The following CA10 variants were observed in gnomAD, a reference collection of about 807,000 sequenced individuals.
CA10 encodes the protein carbonic anhydrase 10 (inactive).
In CA10, 14 loss-of-function variants were observed where a neutral mutation model predicts 44.2. The ratio of observed to expected loss-of-function variants is 0.32; its 90% CI spans 0.21 to 0.50. The LOEUF is 0.50. CA10 is among the 20% of genes least tolerant of loss of function. CA10 has a pLI of 0.99. For synonymous variants in CA10, 159 were observed against 141.6 expected, an observed-to-expected ratio of 1.12 and a Z score of -0.87; for missense variants, 350 against 409.7, an observed-to-expected ratio of 0.85 and a Z score of 1.26.
chr17:51,983,492 T>TA (rs766902199), intron 2 of CA10, among the ~76,000 whole-genome samples: 48 of 148,924 alleles, frequency 3.2e-4, no homozygotes, highest in Non-Finnish European at 6.3e-4. Context: ...TAATATACTC[T>TA]ACTTAAATAA....
chr17:51,878,867 T>TGG (rs1980218253), intron 3 of CA10, among the ~76,000 whole-genome samples: 1 of 27,076 alleles, frequency 3.7e-5, no homozygotes, highest in Non-Finnish European at 6.3e-5. Context: ...TATATATATA[T>TGG]ATATATATAT....
At chr17:51,698,882 A>G (rs1429529757) in intron 4 of CA10, among the ~76,000 whole-genome samples, 1 of 152,110 alleles carries the variant, frequency 6.6e-6, no homozygotes, top group African/African-American at 2.4e-5. Flanking sequence ...AAATGGCAGG[A>G]TTTCCTTTGT....
At chr17:51,697,087 A>G (rs555180394) in intron 4 of CA10, among the ~76,000 whole-genome samples, 273 of 127,338 alleles carry the variant, frequency 2.1e-3, no homozygotes, top group African/African-American at 0.013. Context: ...AACGTAATGA[A>G]AAAAAAAAAA....
intron 5 of CA10, among the ~76,000 whole-genome samples, chr17:51,649,887 A>AAAAC (rs564872536): frequency 1.3e-5 from 2 of 152,010 alleles, no homozygotes; most frequent in South Asian, 2.1e-4. Flanking sequence ...GGAAAAAAAA[A>AAAAC]AAAACTGAAA....
At chr17:51,739,870 G>A (rs1904388120) in intron 4 of CA10, among the ~76,000 whole-genome samples, 1 of 152,134 alleles carries the variant, frequency 6.6e-6, no homozygotes, top group Non-Finnish European at 1.5e-5. Flanking sequence ...GAAATTTGAT[G>A]TCTAGCATTG....
intron 4 of CA10, among the ~76,000 whole-genome samples, chr17:51,677,965 C>T (rs923583945): frequency 1.1e-4 from 16 of 151,496 alleles, no homozygotes; most frequent in African/African-American, 3.2e-4. Flanking sequence ...CAGCACTATT[C>T]ACAATACCAA....
chr17:51,991,666 G>A (rs1985044849), intron 2 of CA10, among the ~76,000 whole-genome samples: 1 of 152,040 alleles, frequency 6.6e-6, no homozygotes, highest in South Asian at 2.1e-4. Flanking sequence ...AAAATTAGCT[G>A]GGCGTGGTGG....
chr17:52,051,012 G>T (rs574085974), intron 2 of CA10, among the ~76,000 whole-genome samples: 2 of 149,392 alleles, frequency 1.3e-5, no homozygotes, highest in South Asian at 4.2e-4. Context: ...AAGGAAGGAA[G>T]GAACGAAGGA....
At chr17:51,719,823 A>G (rs1916294850) in intron 4 of CA10, among the ~76,000 whole-genome samples, 1 of 152,106 alleles carries the variant, frequency 6.6e-6, no homozygotes, top group African/African-American at 2.4e-5. Flanking sequence ...CCAGGAGTTC[A>G]AGGCTGGAGT....
At chr17:51,800,516 A>T (rs922472946) in intron 3 of CA10, among the ~76,000 whole-genome samples, 2 of 152,206 alleles carry the variant, frequency 1.3e-5, no homozygotes, top group African/African-American at 4.8e-5. Flanking sequence ...CTATAAAAAA[A>T]CAAGAACCAA....
chr17:52,122,757 G>A (rs1047971751), intron 1 of CA10, among the ~76,000 whole-genome samples: 1 of 152,168 alleles, frequency 6.6e-6, no homozygotes, highest in South Asian at 2.1e-4. Context: ...TACGCCTCTT[G>A]GGTTCAACTG....
chr17:52,157,622 C>T, intron 1 of CA10, 104 bp downstream of exon 1: 1 of 1,023,792 alleles, frequency 9.8e-7, no homozygotes. Flanking sequence ...CAAAGGGTCT[C>T]GCCACCCCTC....
At chr17:51,902,849 G>A (rs368473146) in intron 3 of CA10, among the ~76,000 whole-genome samples, 25 of 152,100 alleles carry the variant, frequency 1.6e-4, no homozygotes, top group African/African-American at 5.6e-4. Context: ...GCTTGTCTTC[G>A]GGTAGCTTAT....
chr17:51,777,056 A>G (rs1242392384), intron 3 of CA10, among the ~76,000 whole-genome samples: 1 of 152,240 alleles, frequency 6.6e-6, no homozygotes, highest in East Asian at 1.9e-4. Context: ...AAGAGAATTC[A>G]TGTTGGAAAC....
At position 51,985,997 on chromosome 17, in the gene CA10, A is replaced by G. The variant is rs374301403; in HGVS notation, c.137-54865T>C. On this transcript the variant is annotated intron_variant, in intron 2 of 8. Coordinates refer to ENST00000451037, the MANE Select transcript of CA10 (RefSeq NM_020178.5). ...ATCATTCTTTACAGAACTAGAAAAAACAATTCCCAAATTCATAGGGAAGCA... is the reference window on the plus strand; with the variant it reads ...ATCATTCTTTACAGAACTAGAAAAAGCAATTCCCAAATTCATAGGGAAGCA... 3.3e-4 allele frequency among the ~76,000 whole-genome samples: 50 copies of G among 152,212 alleles called. No homozygotes were observed. In the South Asian group the frequency reaches 1.0e-2, roughly 30 times the overall value.
intron 4 of CA10, among the ~76,000 whole-genome samples, chr17:51,702,472 T>C (rs1382731927): frequency 6.6e-6 from 1 of 152,110 alleles, no homozygotes; most frequent in Non-Finnish European, 1.5e-5. Context: ...TTGTAGAAAA[T>C]TTTGTATACT....
rs1263892428 is a variant in CA10, at chr17:52,089,239, C to T, written c.62-16846G>A. Among the ~76,000 whole-genome samples the T allele has an allele frequency of 2.6e-5, 4 of 152,128 alleles. No individual in the cohort carries two copies. The East Asian group carries it at 5.8e-4, about 22-fold the overall frequency. On this transcript the variant is annotated intron_variant, in intron 1 of 8. Coordinates refer to ENST00000451037, the MANE Select transcript of CA10 (RefSeq NM_020178.5). ...TGACCTTAACTGAGTTTTTGTGTCA[C>T]TATGTGTACACTTACTATGGTGTTC...
intron 1 of CA10, among the ~76,000 whole-genome samples, chr17:52,136,834 C>A (rs142955858): frequency 6.6e-6 from 1 of 152,140 alleles, no homozygotes; most frequent in African/African-American, 2.4e-5. Flanking sequence ...TTGTGAGACA[C>A]GATTTTGAAA....
At chr17:51,912,005 A>C (rs926648233) in intron 3 of CA10, among the ~76,000 whole-genome samples, 10 of 152,170 alleles carry the variant, frequency 6.6e-5, no homozygotes, top group African/African-American at 2.4e-4. Context: ...TTAGTAATTC[A>C]TGTAAATTAC....
Sources: gnomAD v4.1 joint callset for allele counts (sites outside exome capture counted in the v4.1 genomes callset) on GRCh38, gnomAD v4.1.1 for gene constraint, MANE v1.5 for transcripts, NCBI Gene and HGNC (gene_info 2026-07-23, HGNC 2026-07-21) for gene names.